TMEM232: variants seen among roughly 807,000 people sequenced by gnomAD.
TMEM232 encodes the protein transmembrane protein 232.
Under a neutral mutation model 78.8 loss-of-function variants are expected in TMEM232, and 80 were observed. The observed-to-expected ratio is 1.01, with a 90% CI of 0.85 to 1.22. The LOEUF (loss-of-function observed/expected upper bound fraction) is 1.22. Ranked by LOEUF, TMEM232 falls within the 50% of genes most tolerant of loss-of-function variation. The pLI is 0.00. For synonymous variants in TMEM232, 297 were observed against 254.3 expected (o/e 1.17, Z -1.60); for missense variants, 881 against 742.2 (o/e 1.19, Z -2.17).
intron 2 of TMEM232, among the ~76,000 whole-genome samples, chr5:110,654,164 A>G (rs1247023218): frequency 2.0e-5 from 3 of 152,214 alleles, no homozygotes; most frequent in Non-Finnish European, 4.4e-5. Flanking sequence ...TAAGTTCTGT[A>G]TTAGTCCATA....
intron 12 of TMEM232, among the ~76,000 whole-genome samples, chr5:110,519,086 G>C (rs565411526): frequency 1.3e-4 from 20 of 152,100 alleles, no homozygotes; most frequent in African/African-American, 4.1e-4. Flanking sequence ...AATGGACTAC[G>C]TTGTTCAATT....
At chr5:110,516,247 CAAAA>C (rs914885805) in intron 12 of TMEM232, among the ~76,000 whole-genome samples, 1 of 149,408 alleles carries the variant, frequency 6.7e-6, no homozygotes, top group African/African-American at 2.5e-5. Flanking sequence ...CCCCGCAGCC[CAAAA>C]AAAAAATTTT....
intron 10 of TMEM232, among the ~76,000 whole-genome samples, chr5:110,598,363 A>C (rs1780451085): frequency 6.6e-6 from 1 of 152,160 alleles, no homozygotes; most frequent in East Asian, 1.9e-4. Flanking sequence ...AGGAAACAAC[A>C]GGTGCTGGAG....
At chr5:110,486,870 G>A (rs890623993) in intron 12 of TMEM232, among the ~76,000 whole-genome samples, 15 of 151,728 alleles carry the variant, frequency 9.9e-5, no homozygotes, top group Admixed American at 3.3e-4. Context: ...GTGGTATTTT[G>A]ATGGGGAATG....
intron 12 of TMEM232, among the ~76,000 whole-genome samples, chr5:110,456,332 T>A (rs574620385): frequency 6.6e-6 from 1 of 152,166 alleles, no homozygotes; most frequent in South Asian, 2.1e-4. Flanking sequence ...ATATGTTACA[T>A]ATAAATCTGA....
intron 8 of TMEM232, among the ~76,000 whole-genome samples, chr5:110,609,295 A>G (rs1781889739): frequency 6.6e-6 from 1 of 152,098 alleles, no homozygotes; most frequent in Non-Finnish European, 1.5e-5. Flanking sequence ...CATAAACCAT[A>G]AAGTTGATAA....
chr5:110,478,598 T>G (rs1375088239), intron 12 of TMEM232, among the ~76,000 whole-genome samples: 1 of 151,878 alleles, frequency 6.6e-6, no homozygotes, highest in African/African-American at 2.4e-5. Flanking sequence ...AAAATAAGAT[T>G]CAGAGTGTTA....
chr5:110,479,517 T>G lies in TMEM232; in HGVS notation c.1703+49071A>C, dbSNP rs571780475. 5.9e-5 allele frequency among the ~76,000 whole-genome samples: 9 copies of G among 151,974 alleles called. No homozygotes were observed. The South Asian group carries it at 1.9e-3, about 31-fold the overall frequency. On this transcript the variant is annotated intron_variant, in intron 12 of 13. Transcript: ENST00000455884. ...AACACTAGAGATTACCTGTGATGGTTTTTTAACTTTATACAAACTGTATTA... is the reference window on the plus strand; with the variant it reads ...AACACTAGAGATTACCTGTGATGGTGTTTTAACTTTATACAAACTGTATTA...
At chr5:110,550,801 A>T (rs1774359216) in intron 11 of TMEM232, among the ~76,000 whole-genome samples, 1 of 151,846 alleles carries the variant, frequency 6.6e-6, no homozygotes, top group African/African-American at 2.4e-5. Context: ...CCCCAATAAA[A>T]ATCCAAGTGG....
chr5:110,628,356 T>C (rs1051432185), intron 5 of TMEM232, among the ~76,000 whole-genome samples: 12 of 152,124 alleles, frequency 7.9e-5, no homozygotes, highest in South Asian at 2.1e-4. Flanking sequence ...TTGAGAACCA[T>C]TGCATTAGAT....
chr5:110,583,798 A>T (rs1040827191), intron 10 of TMEM232, among the ~76,000 whole-genome samples: 27 of 151,954 alleles, frequency 1.8e-4, no homozygotes, highest in Admixed American at 7.9e-4. Flanking sequence ...AATAAAACTA[A>T]TAACTTGATT....
intron 12 of TMEM232, among the ~76,000 whole-genome samples, chr5:110,504,405 C>T (rs1353971708): frequency 1.3e-5 from 2 of 152,100 alleles, no homozygotes; most frequent in Non-Finnish European, 2.9e-5. Flanking sequence ...GAAAATAATA[C>T]AAAAATTGCC....
chr5:110,400,560 A>G (rs1222607242), intron 2 of TMEM232, among the ~76,000 whole-genome samples: 2 of 152,070 alleles, frequency 1.3e-5, no homozygotes, highest in African/African-American at 4.8e-5. Flanking sequence ...TGTGTATTAC[A>G]CTGCTTCAGT....
intron 10 of TMEM232, among the ~76,000 whole-genome samples, chr5:110,601,676 C>A (rs1488057945): frequency 1.3e-5 from 2 of 152,146 alleles, no homozygotes; most frequent in Non-Finnish European, 2.9e-5. Flanking sequence ...ACATTCCATG[C>A]TCAGGGATAG....
intron 12 of TMEM232, among the ~76,000 whole-genome samples, chr5:110,438,024 C>T (rs972297743): frequency 6.6e-6 from 1 of 152,108 alleles, no homozygotes; most frequent in Non-Finnish European, 1.5e-5. Flanking sequence ...GGCAGCAGTA[C>T]TATCTGAAGC....
intron 10 of TMEM232, among the ~76,000 whole-genome samples, chr5:110,594,649 C>G (rs1044692120): frequency 2.0e-5 from 3 of 152,192 alleles, no homozygotes; most frequent in African/African-American, 7.2e-5. Context: ...ACTGCAACTC[C>G]AGTAGGCAGT....
chr5:110,606,628 C>T (rs778034074), intron 8 of TMEM232, among the ~76,000 whole-genome samples: 1 of 151,974 alleles, frequency 6.6e-6, no homozygotes, highest in Non-Finnish European at 1.5e-5. Flanking sequence ...TAATGTTTAA[C>T]CTCTTGCAAC....
chr5:110,391,326 T>TGTGTGTGTGTGTGTGA (rs549361387), intron 3 of TMEM232, among the ~76,000 whole-genome samples: 61 of 139,920 alleles, frequency 4.4e-4, no homozygotes, highest in African/African-American at 1.7e-3. Flanking sequence ...TGTGTGTGTG[T>TGTGTGTGTGTGTGTGA]GAGAGAGAGA....
intron 1 of TMEM232, among the ~76,000 whole-genome samples, chr5:110,687,666 CA>C (rs768731424): frequency 1.3e-5 from 2 of 152,024 alleles, no homozygotes; most frequent in Non-Finnish European, 2.9e-5. Context: ...ATTACAAAGT[CA>C]AATTTTCTCT....
Sources: gnomAD v4.1 joint callset for allele counts (sites outside exome capture counted in the v4.1 genomes callset) on GRCh38, gnomAD v4.1.1 for gene constraint, MANE v1.5 for transcripts, NCBI Gene and HGNC (gene_info 2026-07-23, HGNC 2026-07-21) for gene names.